Variants in PARN observed in about 807,000 individuals in gnomAD.
PARN encodes poly(A)-specific ribonuclease PARN.
PARN carries 71 observed loss-of-function variants against 102.8 expected under a neutral mutation model. The ratio of observed to expected loss-of-function variants is 0.69; its 90% confidence interval spans 0.57 to 0.84. The LOEUF is 0.84. Ranked by LOEUF, PARN falls within the 40% of genes least tolerant of loss-of-function variation. The probability of loss-of-function intolerance (pLI) is 0.00; values close to 1 mark genes in which losing one functional copy is unlikely to be tolerated. For missense variants in PARN, 782 were observed against 760.9 expected, an observed-to-expected ratio of 1.03 and a Z score of -0.33; for synonymous variants, 261 against 252.9, an observed-to-expected ratio of 1.03 and a Z score of -0.30.
chr16:14,501,275 C>CA (rs1357880153), intron 21 of PARN, among the ~76,000 whole-genome samples: 1 of 137,518 alleles, frequency 7.3e-6, no homozygotes, highest in Non-Finnish European at 1.5e-5. Context: ...CAAAAAAAAA[C>CA]AAAAAACAAA....
chr16:14,593,348 A>G lies in PARN; in HGVS notation c.871T>C (p.Leu291=), dbSNP rs1854828245. 1.9e-6 allele frequency: 3 copies of G among 1,607,022 alleles called. No homozygotes were observed. Among genetic ancestry groups the G allele is most frequent in the Non-Finnish European group, 2.6e-6 (3 of 1,173,592 alleles). Residue 291 remains leucine (L), a synonymous_variant, in exon 13 of 24, where the codon TTG becomes CTG. Coordinates refer to ENST00000437198, the MANE Select transcript of PARN (RefSeq NM_002582.4). ...GKLVIGHNML[L]DVMHTVHQFY... Reference sequence around the variant, plus strand: ...TGATGAACTGTGTGCATGACGTCCAAGAGCATATTGTGTCCAATAACAAGT... The same window carrying G: ...TGATGAACTGTGTGCATGACGTCCAGGAGCATATTGTGTCCAATAACAAGT...
chr16:14,600,232 ACTT>A (rs1382198722), intron 11 of PARN, among the ~76,000 whole-genome samples: 1 of 152,200 alleles, frequency 6.6e-6, no homozygotes, highest in Admixed American at 6.5e-5. Context: ...CACTTCACCG[ACTT>A]CTTTAAAATT....
At chr16:14,563,476 TTGTGTGTGTGTGTGTGTGTGTG>T (rs56099416) in intron 18 of PARN, among the ~76,000 whole-genome samples, 3 of 143,648 alleles carry the variant, frequency 2.1e-5, no homozygotes, top group Non-Finnish European at 3.0e-5. Flanking sequence ...GAAAATTCCT[TTGTGTGTGTGTGTGTGTGTGTG>T]TGTGTGTGTG....
intron 13 of PARN, among the ~76,000 whole-genome samples, chr16:14,588,860 G>A (rs960836905): frequency 2.7e-5 from 4 of 150,196 alleles, no homozygotes; most frequent in Non-Finnish European, 5.9e-5. Context: ...CCAGCCTGGC[G>A]ACAGAGTGAG....
rs370854902 is a variant in PARN, at chr16:14,531,643, C to T, written c.1480+20378G>A. On this transcript the variant is annotated intron_variant, in intron 21 of 23. Transcript: ENST00000437198. ...AAAATACATAGAAACTGTTTGGGTA[C>T]GTCCGTCAATTTCATCTACTTTTGA... Among the ~76,000 whole-genome samples the T allele has an allele frequency of 1.4e-4, 21 of 152,192 alleles. No individual in the cohort carries two copies. The South Asian group carries it at 2.5e-3, about 18-fold the overall frequency.
intron 17 of PARN, among the ~76,000 whole-genome samples, chr16:14,581,756 TAAA>T (rs887372031): frequency 6.6e-6 from 1 of 152,014 alleles, no homozygotes; most frequent in African/African-American, 2.4e-5. Flanking sequence ...CCTGTCTCTA[TAAA>T]AAAATTAAAA....
At chr16:14,457,209 G>A (rs780626664) in intron 22 of PARN, among the ~76,000 whole-genome samples, 9 of 152,178 alleles carry the variant, frequency 5.9e-5, no homozygotes, top group Admixed American at 2.6e-4. Context: ...CTGCTAGGCT[G>A]AATGAAAGCA....
At chr16:14,510,225 G>A (rs962403443) in intron 21 of PARN, among the ~76,000 whole-genome samples, 5 of 152,154 alleles carry the variant, frequency 3.3e-5, no homozygotes, top group African/African-American at 1.2e-4. Context: ...TGTCAGGGTC[G>A]TTTTCAAAGC....
At chr16:14,514,079 G>C (rs887574200) in intron 21 of PARN, among the ~76,000 whole-genome samples, 1 of 152,178 alleles carries the variant, frequency 6.6e-6, no homozygotes, top group Admixed American at 6.5e-5. Context: ...ACAAGACAAT[G>C]GTGGGGGTAT....
chr16:14,560,882 G>A (rs762557783), intron 18 of PARN, among the ~76,000 whole-genome samples: 9 of 152,238 alleles, frequency 5.9e-5, no homozygotes, highest in East Asian at 5.8e-4. Flanking sequence ...TAGGCCGGGC[G>A]CGGTGGCTCA....
intron 21 of PARN, among the ~76,000 whole-genome samples, chr16:14,522,585 G>T (rs1424757548): frequency 2.0e-5 from 3 of 152,088 alleles, no homozygotes; most frequent in African/African-American, 7.2e-5. Flanking sequence ...GTGGGCTGGG[G>T]CAGCCCTGGT....
intron 22 of PARN, among the ~76,000 whole-genome samples, chr16:14,470,535 G>A (rs896728509): frequency 9.2e-5 from 14 of 151,626 alleles, no homozygotes; most frequent in South Asian, 6.3e-4. Flanking sequence ...TCAGCTCACT[G>A]CAGCCTCGAC....
At chr16:14,538,791 C>A (rs1425341050) in intron 21 of PARN, among the ~76,000 whole-genome samples, 1 of 152,142 alleles carries the variant, frequency 6.6e-6, no homozygotes, top group Admixed American at 6.5e-5. Flanking sequence ...GCTAGCAAAG[C>A]TTCATCTGTT....
intron 13 of PARN, among the ~76,000 whole-genome samples, chr16:14,591,675 G>T (rs1234617220): frequency 3.3e-5 from 5 of 152,150 alleles, no homozygotes; most frequent in African/African-American, 1.2e-4. Context: ...GAAGGTTGAA[G>T]GGGGACAGGA....
At chr16:14,584,445 TTA>T (rs751323681) in intron 15 of PARN, 23 bp from the exon 16 acceptor site, 1 of 1,590,384 alleles carries the variant, frequency 6.3e-7, no homozygotes, top group Non-Finnish European at 8.6e-7. Flanking sequence ...AAGCAAAGAA[TTA>T]TGAGATTTCA....
At position 14,553,648 on chromosome 16, in the gene PARN, C is replaced by T. The variant is rs551026852; in HGVS notation, c.1405+417G>A. Among the ~76,000 whole-genome samples the T allele has an allele frequency of 2.9e-3, 447 of 152,338 alleles. 1 individual carries two copies. Among genetic ancestry groups the T allele is most frequent in the Non-Finnish European group, 5.0e-3 (343 of 68,036 alleles). ...AAAGGAAAGAGAAGGACTGCCCTACCTCATACACGTATCACAAATCCTGAT... is the reference window on the plus strand; with the variant it reads ...AAAGGAAAGAGAAGGACTGCCCTACTTCATACACGTATCACAAATCCTGAT... On this transcript the variant is annotated intron_variant, in intron 20 of 23. Transcript: ENST00000437198.
chr16:14,548,354 G>A (rs1967090696), intron 21 of PARN, among the ~76,000 whole-genome samples: 1 of 152,088 alleles, frequency 6.6e-6, no homozygotes, highest in Non-Finnish European at 1.5e-5. Flanking sequence ...GTCTTTCAGT[G>A]AAACATCTGC....
chr16:14,522,478 C>G (rs1255053506), intron 21 of PARN, among the ~76,000 whole-genome samples: 1 of 152,072 alleles, frequency 6.6e-6, no homozygotes, highest in African/African-American at 2.4e-5. Flanking sequence ...AGTTTAAGGT[C>G]AGCATGGGCA....
At chr16:14,604,846 C>T (rs1440602854) in intron 10 of PARN, among the ~76,000 whole-genome samples, 1 of 151,274 alleles carries the variant, frequency 6.6e-6, no homozygotes, top group Non-Finnish European at 1.5e-5. Context: ...AAACTCCTGA[C>T]CTCAAGTGAT....
Sources: allele counts gnomAD v4.1 joint callset (sites outside exome capture counted in the v4.1 genomes callset), GRCh38; gene constraint gnomAD v4.1.1; transcripts MANE v1.5; gene names NCBI Gene and HGNC (gene_info 2026-07-23, HGNC 2026-07-21).